Variants in GRIK4 observed in about 807,000 individuals in gnomAD.
The protein encoded by GRIK4 is glutamate receptor ionotropic, kainate 4.
Under a neutral mutation model 104.9 loss-of-function variants are expected in GRIK4, and 40 were observed. The observed-to-expected ratio is 0.38, with a 90% CI of 0.30 to 0.50. The LOEUF is 0.50. GRIK4 is among the 20% of genes least tolerant of loss of function. GRIK4 has a pLI of 0.93. For missense variants in GRIK4, 1,047 were observed against 1,308.1 expected (o/e 0.80, Z 3.08); for synonymous variants, 485 against 524.9 (o/e 0.92, Z 1.04).
chr11:120,665,184 C>T (rs7928347), intron 3 of GRIK4, among the ~76,000 whole-genome samples: 54,026 of 151,766 alleles, frequency 0.36, 12,311 homozygotes, highest in African/African-American at 0.65. Context: ...GTATTAAATA[C>T]ATCTAATCCA....
chr11:120,818,138 C>T (rs566479201), intron 5 of GRIK4, among the ~76,000 whole-genome samples: 1 of 152,294 alleles, frequency 6.6e-6, no homozygotes, highest in Non-Finnish European at 1.5e-5. Flanking sequence ...TCCGTGGATT[C>T]ACGGTATCTC....
In GRIK4 at chr11:120,635,896, T is replaced by C. The variant is rs568489025; in HGVS notation, c.-158-17789T>C. Reference sequence around the variant, plus strand: ...ACCCTTATAGCCAGCACCTGGGCTGTGAAACAGTTACTAGTTGCTCCTCTC... The same window carrying C: ...ACCCTTATAGCCAGCACCTGGGCTGCGAAACAGTTACTAGTTGCTCCTCTC... On this transcript the variant is annotated intron_variant, in intron 1 of 20. Coordinates refer to ENST00000527524, the MANE Select transcript of GRIK4 (RefSeq NM_014619.5). Among the ~76,000 whole-genome samples, 5 of 152,336 alleles carry C rather than the reference T, an allele frequency of 3.3e-5. No homozygotes were observed. The East Asian group carries it at 7.7e-4, about 23-fold the overall frequency.
At chr11:120,642,156 A>G (rs1591762314) in intron 1 of GRIK4, among the ~76,000 whole-genome samples, 1 of 152,176 alleles carries the variant, frequency 6.6e-6, no homozygotes, top group African/African-American at 2.4e-5. Context: ...GTGCTGAGTT[A>G]TGGAAGACAG....
chr11:120,590,921 T>C (rs914847554), intron 1 of GRIK4, among the ~76,000 whole-genome samples: 2 of 152,048 alleles, frequency 1.3e-5, no homozygotes, highest in Non-Finnish European at 2.9e-5. Flanking sequence ...ATCCCCGGCT[T>C]CCATCCTTCC....
At chr11:120,816,628 C>T (rs1341115375) in intron 5 of GRIK4, among the ~76,000 whole-genome samples, 1 of 152,124 alleles carries the variant, frequency 6.6e-6, no homozygotes, top group Non-Finnish European at 1.5e-5. Flanking sequence ...TGGGAGTCTA[C>T]CCCTCTGATG....
chr11:120,740,002 C>T (rs1951298788), intron 3 of GRIK4, among the ~76,000 whole-genome samples: 1 of 152,226 alleles, frequency 6.6e-6, no homozygotes, highest in African/African-American at 2.4e-5. Context: ...GGCAGCCCAT[C>T]TGGTGGCCAA....
At chr11:120,936,024 C>A in intron 13 of GRIK4, 1 of 206,232 alleles carries the variant, frequency 4.8e-6, no homozygotes. Flanking sequence ...GCTCTAGAAC[C>A]AACTTCGTCA....
At chr11:120,691,174 C>G (rs6589833) in intron 3 of GRIK4, among the ~76,000 whole-genome samples, 61,033 of 152,058 alleles carry the variant, frequency 0.4, 12,420 homozygotes, top group Admixed American at 0.42. Context: ...ATCTCGGCAT[C>G]TACTGTTTTC....
intron 13 of GRIK4, among the ~76,000 whole-genome samples, chr11:120,916,881 G>A (rs960611833): frequency 2.5e-4 from 38 of 152,276 alleles, no homozygotes; most frequent in Non-Finnish European, 4.1e-4. Flanking sequence ...AAGCATTTCA[G>A]ATAAGGGGCG....
chr11:120,649,856 G>A (rs1420636277), intron 1 of GRIK4, among the ~76,000 whole-genome samples: 3 of 152,204 alleles, frequency 2.0e-5, no homozygotes, highest in Non-Finnish European at 4.4e-5. Context: ...CTTCTCTCCT[G>A]CTCATTTGAT....
intron 3 of GRIK4, among the ~76,000 whole-genome samples, chr11:120,786,501 A>G (rs1952278757): frequency 6.6e-6 from 1 of 152,090 alleles, no homozygotes; most frequent in Non-Finnish European, 1.5e-5. Flanking sequence ...CCAGGTCCCA[A>G]TAGCACCTTC....
At chr11:120,845,002 C>T (rs1318688009) in intron 8 of GRIK4, among the ~76,000 whole-genome samples, 2 of 152,164 alleles carry the variant, frequency 1.3e-5, no homozygotes, top group Admixed American at 1.3e-4. Flanking sequence ...CCTTGGTCAG[C>T]CTTGATCATG....
At chr11:120,908,427 AC>A (rs1942917275) in intron 13 of GRIK4, among the ~76,000 whole-genome samples, 6 of 100,626 alleles carry the variant, frequency 6.0e-5, no homozygotes, top group Admixed American at 4.0e-4. Flanking sequence ...AAAATAACAC[AC>A]ACACACACAT....
chr11:120,898,817 G>A (rs1942655354), intron 12 of GRIK4, among the ~76,000 whole-genome samples, 178 bp downstream of exon 12: 1 of 152,154 alleles, frequency 6.6e-6, no homozygotes, highest in Non-Finnish European at 1.5e-5. Context: ...TATTTGATGA[G>A]TTCCAGAGCA....
rs116237072 is a variant in GRIK4 at position 120,835,253 on chromosome 11, C to T, written c.691-1538C>T. On this transcript the variant is annotated intron_variant, in intron 7 of 20. Coordinates refer to ENST00000527524, the MANE Select transcript of GRIK4 (RefSeq NM_014619.5). ...TATAAGAATCCTATAAGATTACAGG[C>T]GCGGTGCCTCACGCCTGTAATCCCA... is the stretch of plus-strand genomic sequence containing the variant. Among the ~76,000 whole-genome samples the T allele has an allele frequency of 7.0e-3, 1,065 of 152,286 alleles. 18 individuals carry two copies. The highest frequency in any genetic ancestry group is 0.024 in the African/African-American group (1,016 of 41,560).
chr11:120,719,368 C>T (rs1346122393), intron 3 of GRIK4, among the ~76,000 whole-genome samples: 1 of 152,136 alleles, frequency 6.6e-6, no homozygotes, highest in African/African-American at 2.4e-5. Flanking sequence ...GGCTTCCTTC[C>T]AGAGATAACC....
intron 3 of GRIK4, among the ~76,000 whole-genome samples, chr11:120,758,664 C>A (rs770086724): frequency 1.3e-4 from 20 of 152,072 alleles, no homozygotes; most frequent in Non-Finnish European, 2.5e-4. Context: ...AGAGGGTGAC[C>A]ATCTATTAAT....
chr11:120,793,392 C>T (rs1314696096), intron 3 of GRIK4, among the ~76,000 whole-genome samples: 1 of 152,036 alleles, frequency 6.6e-6, no homozygotes, highest in Admixed American at 6.5e-5. Context: ...ACAGGGGAGC[C>T]AGCAGGCCTC....
intron 13 of GRIK4, among the ~76,000 whole-genome samples, chr11:120,934,330 A>C (rs1943549168): frequency 6.6e-6 from 1 of 151,754 alleles, no homozygotes; most frequent in Non-Finnish European, 1.5e-5. Flanking sequence ...GGGAGATGAG[A>C]AGGCTTTGCT....
Sources: gnomAD v4.1 joint callset for allele counts (sites outside exome capture counted in the v4.1 genomes callset) on GRCh38, gnomAD v4.1.1 for gene constraint, MANE v1.5 for transcripts, NCBI Gene and HGNC (gene_info 2026-07-23, HGNC 2026-07-21) for gene names.